LEMD3: variants seen among roughly 807,000 people sequenced by gnomAD.
LEMD3 encodes inner nuclear membrane protein Man1.
Under a neutral mutation model 95.2 loss-of-function variants are expected in LEMD3, and 33 were observed. That is an observed-to-expected ratio of 0.35 (90% CI 0.26 to 0.46). The LOEUF (loss-of-function observed/expected upper bound fraction) is 0.46. Ranked by LOEUF, LEMD3 falls within the 20% of genes least tolerant of loss-of-function variation. The probability of loss-of-function intolerance (pLI) is 1.00; values close to 1 mark genes in which losing one functional copy is unlikely to be tolerated. For missense variants in LEMD3, 1,210 were observed against 1,192.8 expected (o/e 1.01, Z -0.21); for synonymous variants, 525 against 474.6 (o/e 1.11, Z -1.38).
At position 65,169,782 on chromosome 12, in the gene LEMD3, G is replaced by A; in HGVS notation, c.186G>A (p.Lys62=). 1 of 1,577,888 alleles carries A rather than the reference G, an allele frequency of 6.3e-7. No homozygotes were observed. The highest frequency in any genetic ancestry group is 8.6e-7 in the Non-Finnish European group (1 of 1,160,944). The part of the protein sequence containing the change: ...QQHRSGGRGN[K]TRNSNNNNTA... ...ACCGGTCAGGGGGCCGCGGCAACAA[G>A]ACGCGGAACAGTAATAACAATAACA... Residue 62 remains lysine, a synonymous_variant, in exon 1 of 13, where the codon AAG becomes AAA. Coordinates refer to ENST00000308330, the MANE Select transcript of LEMD3 (RefSeq NM_014319.5).
At chr12:65,204,565 T>A (rs1164906814) in intron 1 of LEMD3, among the ~76,000 whole-genome samples, 1 of 152,210 alleles carries the variant, frequency 6.6e-6, no homozygotes, top group African/African-American at 2.4e-5. Context: ...ACATTTTCTT[T>A]ATCCAGTCTA....
In LEMD3 at chr12:65,170,451, G is replaced by T; in HGVS notation, c.855G>T (p.Arg285=). Residue 285 remains arginine, a synonymous_variant, in exon 1 of 13, where the codon CGG becomes CGT. Coordinates refer to ENST00000308330, the MANE Select transcript of LEMD3 (RefSeq NM_014319.5). ...VLKDDSLSRH[R]PRRTHSKPLP... is the part of the protein sequence containing the mutation. ...AGGACGACTCCCTTTCCCGGCATCG[G>T]CCCAGACGAACCCATAGTAAGCCTC... 1.9e-6 allele frequency: 3 copies of T among 1,614,104 alleles called. No homozygotes were observed. Among genetic ancestry groups the T allele is most frequent in the South Asian group, 1.1e-5 (1 of 91,080 alleles).
chr12:65,245,135 T>G (rs936870426), intron 10 of LEMD3, among the ~76,000 whole-genome samples: 2 of 149,182 alleles, frequency 1.3e-5, no homozygotes, highest in Non-Finnish European at 3.0e-5. Flanking sequence ...CTGCACTCTT[T>G]TTTTTTTTTT....
intron 4 of LEMD3, among the ~76,000 whole-genome samples, chr12:65,230,162 G>C (rs1199549901): frequency 1.3e-5 from 2 of 152,144 alleles, no homozygotes; most frequent in Non-Finnish European, 2.9e-5. Context: ...AGTGGTCTGT[G>C]TGTCTGCTTT....
chr12:65,182,055 G>A (rs1033495513), intron 1 of LEMD3, among the ~76,000 whole-genome samples: 5 of 152,022 alleles, frequency 3.3e-5, no homozygotes, highest in South Asian at 4.1e-4. Flanking sequence ...GTGAGAAAAC[G>A]GAAAGATAGA....
intron 4 of LEMD3, among the ~76,000 whole-genome samples, chr12:65,228,474 C>G (rs144339689): frequency 6.6e-6 from 1 of 151,702 alleles, no homozygotes; most frequent in African/African-American, 2.4e-5. Flanking sequence ...CGGCTCACCG[C>G]AAGCTCTCCT....
At chr12:65,190,012 T>C (rs1354663817) in intron 1 of LEMD3, among the ~76,000 whole-genome samples, 1 of 152,176 alleles carries the variant, frequency 6.6e-6, no homozygotes, top group East Asian at 1.9e-4. Flanking sequence ...CGTACCACAC[T>C]AGTTTTTTCC....
At chr12:65,187,370 C>G (rs1014805381) in intron 1 of LEMD3, among the ~76,000 whole-genome samples, 1 of 152,000 alleles carries the variant, frequency 6.6e-6, no homozygotes, top group Non-Finnish European at 1.5e-5. Context: ...GCCTCTGTCT[C>G]TCAGTACTGT....
At chr12:65,191,081 G>T (rs1452104353) in intron 1 of LEMD3, among the ~76,000 whole-genome samples, 1 of 151,886 alleles carries the variant, frequency 6.6e-6, no homozygotes, top group Non-Finnish European at 1.5e-5. Flanking sequence ...CTTGATGTCA[G>T]TTTAACAATT....
chr12:65,175,838 A>C (rs1047748679), intron 1 of LEMD3, among the ~76,000 whole-genome samples: 2 of 151,898 alleles, frequency 1.3e-5, no homozygotes, highest in Middle Eastern at 3.2e-3. Flanking sequence ...ACCATCTGAC[A>C]TTTTCTTTAT....
At chr12:65,189,056 T>C (rs1355344429) in intron 1 of LEMD3, among the ~76,000 whole-genome samples, 3 of 152,194 alleles carry the variant, frequency 2.0e-5, no homozygotes, top group Non-Finnish European at 4.4e-5. Flanking sequence ...TACATACTTA[T>C]GATAAAGTTT....
chr12:65,224,232 G>C (rs1020848014), intron 4 of LEMD3, among the ~76,000 whole-genome samples: 1 of 152,062 alleles, frequency 6.6e-6, no homozygotes, highest in Non-Finnish European at 1.5e-5. Context: ...TGCATTGCTA[G>C]GTAGCATCCT....
At chr12:65,246,044 T>G (rs1871094844) in intron 12 of LEMD3, 105 bp downstream of exon 12, 5 of 1,258,518 alleles carry the variant, frequency 4.0e-6, no homozygotes, top group African/African-American at 1.5e-5. Context: ...TTTTTTTGAG[T>G]AATAATTTTA....
At chr12:65,243,577 T>C (rs972877501) in intron 10 of LEMD3, 108 bp downstream of exon 10, 6 of 759,288 alleles carry the variant, frequency 7.9e-6, no homozygotes, top group African/African-American at 1.7e-5. Context: ...GTTTTTCTTC[T>C]GAATCTCTAC....
rs1200275573 is a variant in LEMD3 at position 65,169,978 on chromosome 12, G to A, written c.382G>A (p.Ala128Thr). 1 of 1,466,104 alleles carries A rather than the reference G, an allele frequency of 6.8e-7. No individual in the cohort carries two copies. The highest frequency in any genetic ancestry group is 8.9e-7 in the Non-Finnish European group (1 of 1,120,002). 90.8% of individuals were successfully genotyped at this position (1,466,104 alleles called of 1,614,324 possible). A position where few individuals can be genotyped will look rare whatever the true frequency, so the allele number is the denominator to read the frequency against. The change falls in exon 1 of 13, where the codon GCC (alanine) becomes ACC (threonine). Residue 128 changes from alanine to threonine, a missense_variant. Physicochemically the swap from Ala to Thr is moderately conservative, Grantham distance 58 (BLOSUM62 0). Coordinates refer to ENST00000308330, the MANE Select transcript of LEMD3 (RefSeq NM_014319.5). ...GGGAGGGCCCGGGGGCGCCTCCGCC[G>A]CCCCCGCGGCTGGCAGCAAAGTGCT... is the stretch of plus-strand genomic sequence containing the variant. ...LLGGPGGASA[A>T]PAAGSKVLLG... is the part of the protein sequence containing the mutation.
chr12:65,234,140 G>C (rs200779904), intron 4 of LEMD3, among the ~76,000 whole-genome samples: 1 of 152,188 alleles, frequency 6.6e-6, no homozygotes, highest in Non-Finnish European at 1.5e-5. Flanking sequence ...TTAGAGGTTA[G>C]CAAGCCATGG....
intron 4 of LEMD3, among the ~76,000 whole-genome samples, chr12:65,221,661 G>A (rs749813616): frequency 3.3e-5 from 5 of 150,890 alleles, no homozygotes; most frequent in Admixed American, 2.0e-4. Flanking sequence ...TGGCTAGGAT[G>A]TCTAGTGCTA....
At chr12:65,201,260 G>A (rs1042692756) in intron 1 of LEMD3, among the ~76,000 whole-genome samples, 1 of 152,018 alleles carries the variant, frequency 6.6e-6, no homozygotes, top group Non-Finnish European at 1.5e-5. Context: ...CTTCAATATT[G>A]TGTTGGTTAT....
At chr12:65,235,006 C>T (rs1184219977) in intron 4 of LEMD3, among the ~76,000 whole-genome samples, 1 of 152,030 alleles carries the variant, frequency 6.6e-6, no homozygotes, top group Non-Finnish European at 1.5e-5. Context: ...CAAAGCATGC[C>T]ATGATACTAG....
Sources: allele counts gnomAD v4.1 joint callset (sites outside exome capture counted in the v4.1 genomes callset), GRCh38; gene constraint gnomAD v4.1.1; transcripts MANE v1.5; gene names NCBI Gene and HGNC (gene_info 2026-07-23, HGNC 2026-07-21).